EPB41: variants seen among roughly 807,000 people sequenced by gnomAD.
The protein encoded by EPB41 is erythrocyte membrane protein band 4.1.
In EPB41, 65 loss-of-function variants were observed where a neutral mutation model predicts 108.0. That is an observed-to-expected ratio of 0.60 (90% confidence interval 0.49 to 0.74). The LOEUF (loss-of-function observed/expected upper bound fraction) is 0.74. Among genes scored for constraint, EPB41 ranks in the 30% least tolerant of loss-of-function variants. The pLI is 0.00. For synonymous variants in EPB41, 336 were observed against 358.9 expected, an observed-to-expected ratio of 0.94 and a Z score of 0.72; for missense variants, 875 against 1,037.0, an observed-to-expected ratio of 0.84 and a Z score of 2.15.
At chr1:29,047,374 T>C (rs1275342119) in intron 11 of EPB41, among the ~76,000 whole-genome samples, 2 of 150,376 alleles carry the variant, frequency 1.3e-5, no homozygotes, top group Non-Finnish European at 3.0e-5. Flanking sequence ...CTCAGCGTCC[T>C]GAGTAGCTGG....
intron 2 of EPB41, among the ~76,000 whole-genome samples, chr1:28,990,326 T>TCCTTCCTTCCTTCCTTCCTTCCTTCCTC: frequency 7.5e-6 from 1 of 134,198 alleles, no homozygotes; most frequent in Non-Finnish European, 1.6e-5. Flanking sequence ...CTTCCTTCCT[T>TCCTTCCTTCCTTCCTTCCTTCCTTCCTC]CCTTCCTTCC....
chr1:28,907,840 AT>A (rs35900913), intron 1 of EPB41, among the ~76,000 whole-genome samples: 63,982 of 149,252 alleles, frequency 0.43, 15,607 homozygotes, highest in East Asian at 0.85. Context: ...AAAAATTTTA[AT>A]TTTTTTTTTG....
At chr1:28,974,441 G>T (rs966473207) in intron 1 of EPB41, among the ~76,000 whole-genome samples, 4 of 152,196 alleles carry the variant, frequency 2.6e-5, no homozygotes, top group Non-Finnish European at 4.4e-5. Flanking sequence ...ACCTCCAAGG[G>T]TAGAGGTTAG....
chr1:28,889,805 C>T, intron 1 of EPB41: 3 of 985,360 alleles, frequency 3.0e-6, no homozygotes, highest in Non-Finnish European at 3.6e-6. Context: ...TTCGGTTATT[C>T]TCTAAGCCTT....
chr1:29,099,321 G>A (rs12039988), intron 17 of EPB41, among the ~76,000 whole-genome samples: 46,146 of 149,402 alleles, frequency 0.31, 8,744 homozygotes, highest in Non-Finnish European at 0.41. Flanking sequence ...GAGCCACTAC[G>A]CCTGGCCAAA....
chr1:29,020,744 A>G lies in EPB41; in HGVS notation c.1124+2302A>G, dbSNP rs1057247315. Among the ~76,000 whole-genome samples the G allele has an allele frequency of 7.9e-5, 12 of 152,090 alleles. No individual in the cohort carries two copies. The South Asian group carries it at 8.3e-4, about 11-fold the overall frequency. ...GTGATCATAGCTCGCTGCAGCTTCAATCTCCTAGGTTCAAGTGATCGTCTC... is the reference window on the plus strand; with the variant it reads ...GTGATCATAGCTCGCTGCAGCTTCAGTCTCCTAGGTTCAAGTGATCGTCTC... On this transcript the variant is annotated intron_variant, in intron 7 of 20. Coordinates refer to ENST00000343067, the MANE Select transcript of EPB41 (RefSeq NM_001376013.1).
At chr1:29,090,925 A>G (rs866142790) in intron 16 of EPB41, among the ~76,000 whole-genome samples, 2 of 152,184 alleles carry the variant, frequency 1.3e-5, no homozygotes, top group African/African-American at 2.4e-5. Flanking sequence ...TGATTTGACC[A>G]TATGTGAGTG....
chr1:29,107,547 G>A (rs2151638992), intron 17 of EPB41, among the ~76,000 whole-genome samples: 1 of 152,090 alleles, frequency 6.6e-6, no homozygotes, highest in Non-Finnish European at 1.5e-5. Flanking sequence ...ACTGGTCTTG[G>A]CTGAAGAAAA....
intron 1 of EPB41, among the ~76,000 whole-genome samples, chr1:28,900,356 C>T (rs1390084203): frequency 5.3e-5 from 8 of 150,766 alleles, no homozygotes; most frequent in African/African-American, 1.5e-4. Flanking sequence ...GGCATGACCT[C>T]GGGTTACTGC....
chr1:28,926,327 A>C (rs1304606533), intron 1 of EPB41, among the ~76,000 whole-genome samples: 2 of 152,234 alleles, frequency 1.3e-5, no homozygotes, highest in African/African-American at 4.8e-5. Flanking sequence ...TTTGATGATT[A>C]AATGGATTAG....
At chr1:29,065,183 A>G (rs773731718) in intron 16 of EPB41, 25 bp downstream of exon 16, 4 of 1,543,644 alleles carry the variant, frequency 2.6e-6, no homozygotes, top group African/African-American at 1.4e-5. Flanking sequence ...CACATGACCA[A>G]TTGTGAAAAT....
intron 5 of EPB41, among the ~76,000 whole-genome samples, chr1:29,013,875 A>AC: frequency 6.8e-6 from 1 of 147,112 alleles, no homozygotes; most frequent in Non-Finnish European, 1.5e-5. Flanking sequence ...AGTAATATAT[A>AC]CCCATTGTAA....
chr1:28,969,327 C>A (rs1239703691), intron 1 of EPB41, among the ~76,000 whole-genome samples: 1 of 151,966 alleles, frequency 6.6e-6, no homozygotes, highest in Non-Finnish European at 1.5e-5. Context: ...TCAAGTGATC[C>A]ACCTGCCTTG....
chr1:28,927,308 C>T (rs1378769676), intron 1 of EPB41, among the ~76,000 whole-genome samples: 3 of 152,044 alleles, frequency 2.0e-5, no homozygotes, highest in East Asian at 1.9e-4. Flanking sequence ...TATTGTGTTC[C>T]TCTTTTTGAT....
chr1:28,921,117 G>T (rs1033486245), intron 1 of EPB41, among the ~76,000 whole-genome samples: 3 of 152,134 alleles, frequency 2.0e-5, no homozygotes, highest in Non-Finnish European at 4.4e-5. Context: ...ACCCATACGT[G>T]TAATAGAAAT....
Position 29,053,547 on chromosome 1 carries a change from C to G in EPB41, c.1845+235C>G, listed in dbSNP as rs1573183920. The G allele has an allele frequency of 3.1e-5, 15 of 478,086 alleles. No individual in the cohort carries two copies. In the East Asian group the frequency reaches 5.5e-4, roughly 18 times the overall value. The allele number at this position is 478,086 out of a possible 1,614,324, so 29.6% of individuals were successfully genotyped here. On this transcript the variant is annotated intron_variant, in intron 12 of 20. Transcript: ENST00000343067. ...TAAGGTGACCCACTCCTTGACCCAA[C>G]TATTATTTTTATTTATTTATTTATT...
chr1:28,955,490 C>T (rs1413461102), intron 1 of EPB41, among the ~76,000 whole-genome samples: 6 of 151,940 alleles, frequency 3.9e-5, no homozygotes, highest in Non-Finnish European at 5.9e-5. Flanking sequence ...TACAGGTGCA[C>T]GCCAACATGC....
At chr1:28,992,495 T>C (rs1027426302) in intron 2 of EPB41, among the ~76,000 whole-genome samples, 10 of 152,154 alleles carry the variant, frequency 6.6e-5, no homozygotes, top group Non-Finnish European at 1.5e-5. Context: ...AAAACCATCC[T>C]GGCTAACGTG....
chr1:28,932,435 C>A (rs1193663390), intron 1 of EPB41, among the ~76,000 whole-genome samples: 1 of 149,592 alleles, frequency 6.7e-6, no homozygotes, highest in African/African-American at 2.5e-5. Flanking sequence ...ATATTTTTAT[C>A]TTTTCTTCCA....
Sources: gnomAD v4.1 joint callset for allele counts (sites outside exome capture counted in the v4.1 genomes callset) on GRCh38, gnomAD v4.1.1 for gene constraint, MANE v1.5 for transcripts, NCBI Gene and HGNC (gene_info 2026-07-23, HGNC 2026-07-21) for gene names.